The following ZMAT4 variants were observed in gnomAD, a reference collection of about 807,000 sequenced individuals.
ZMAT4 encodes zinc finger matrin-type protein 4.
A neutral mutation model predicts 28.7 loss-of-function variants in ZMAT4; 17 were observed. That is an observed-to-expected ratio of 0.59 (90% CI 0.41 to 0.89). The LOEUF (loss-of-function observed/expected upper bound fraction) is 0.89, where lower values mean the gene tolerates loss of function less well. ZMAT4 is among the 40% of genes least tolerant of loss of function. The pLI is 0.00. For missense variants in ZMAT4, 240 were observed against 283.8 expected, an observed-to-expected ratio of 0.85 and a Z score of 1.11; for synonymous variants, 117 against 109.2, an observed-to-expected ratio of 1.07 and a Z score of -0.44.
chr8:40,709,004 G>T (rs1458828536), intron 3 of ZMAT4, among the ~76,000 whole-genome samples: 3 of 152,056 alleles, frequency 2.0e-5, no homozygotes, highest in Non-Finnish European at 4.4e-5. Context: ...ATTAAAGGAA[G>T]TATAAGCAGT....
At chr8:40,808,068 TATC>T (rs1480594213) in intron 2 of ZMAT4, among the ~76,000 whole-genome samples, 1 of 152,204 alleles carries the variant, frequency 6.6e-6, no homozygotes, top group African/African-American at 2.4e-5. Flanking sequence ...AAAAATGCAT[TATC>T]ATATAGCTTA....
chr8:40,779,120 A>C (rs1463391737), intron 2 of ZMAT4, among the ~76,000 whole-genome samples: 3 of 152,080 alleles, frequency 2.0e-5, no homozygotes, highest in Non-Finnish European at 4.4e-5. Context: ...TCATGGGTGC[A>C]GTTTCCCCAA....
At chr8:40,829,288 C>T (rs982420560) in intron 1 of ZMAT4, among the ~76,000 whole-genome samples, 1 of 152,226 alleles carries the variant, frequency 6.6e-6, no homozygotes, top group South Asian at 2.1e-4. Context: ...AGGCACATTG[C>T]CAAGCAACCA....
intron 5 of ZMAT4, among the ~76,000 whole-genome samples, chr8:40,642,359 G>C (rs1054410304): frequency 2.6e-5 from 4 of 152,162 alleles, no homozygotes; most frequent in African/African-American, 9.6e-5. Context: ...CAAGGGCAAA[G>C]AGTAGGAAAA....
intron 4 of ZMAT4, among the ~76,000 whole-genome samples, chr8:40,684,596 G>T (rs1331447283): frequency 6.6e-6 from 1 of 152,186 alleles, no homozygotes; most frequent in Non-Finnish European, 1.5e-5. Flanking sequence ...CTCAGGGTTG[G>T]GGAATGATTT....
At chr8:40,873,708 C>A (rs570769430) in intron 1 of ZMAT4, among the ~76,000 whole-genome samples, 1 of 152,184 alleles carries the variant, frequency 6.6e-6, no homozygotes, top group Non-Finnish European at 1.5e-5. Context: ...TCTGGTCAAA[C>A]AAGGTCACCC....
At chr8:40,698,233 T>A (rs1303568628) in intron 3 of ZMAT4, among the ~76,000 whole-genome samples, 1 of 152,200 alleles carries the variant, frequency 6.6e-6, no homozygotes, top group Non-Finnish European at 1.5e-5. Flanking sequence ...CTGCACAAAA[T>A]GCTTAAATCC....
At chr8:40,692,483 G>A (rs578107769) in intron 4 of ZMAT4, among the ~76,000 whole-genome samples, 86 of 152,236 alleles carry the variant, frequency 5.6e-4, no homozygotes, top group South Asian at 1.0e-3. Context: ...CCATACAACC[G>A]CAAAGTATCA....
intron 1 of ZMAT4, among the ~76,000 whole-genome samples, chr8:40,862,739 C>T (rs1817547640): frequency 6.6e-6 from 1 of 151,526 alleles, no homozygotes; most frequent in Admixed American, 6.6e-5. Flanking sequence ...CCAAACACCG[C>T]ATGTTCTCAC....
intron 5 of ZMAT4, among the ~76,000 whole-genome samples, chr8:40,639,865 G>A (rs55868263): frequency 0.24 from 36,602 of 151,992 alleles, 4,900 homozygotes; most frequent in Middle Eastern, 0.34. Context: ...AGAACACAAA[G>A]TGTGGAGATA....
intron 2 of ZMAT4, among the ~76,000 whole-genome samples, chr8:40,814,011 G>C (rs1423491328): frequency 6.6e-6 from 1 of 152,230 alleles, no homozygotes; most frequent in Non-Finnish European, 1.5e-5. Flanking sequence ...CAGGGGGCTG[G>C]GGACGGGGTG....
chr8:40,605,370 T>C lies in ZMAT4; in HGVS notation c.578-24109A>G, dbSNP rs190915432. On this transcript the variant is annotated intron_variant, in intron 5 of 6. Coordinates refer to ENST00000297737, the MANE Select transcript of ZMAT4 (RefSeq NM_024645.3). ...TTTTGCTGTATCCCAGAGGTTTTGA[T>C]ATGTTGTGTCACTATTATCACTCAG... 4.7e-3 allele frequency among the ~76,000 whole-genome samples: 714 copies of C among 152,346 alleles called. 2 individuals carry two copies. Among genetic ancestry groups the C allele is most frequent in the Non-Finnish European group, 7.8e-3 (528 of 68,032 alleles).
chr8:40,821,328 C>A (rs1815821387), intron 2 of ZMAT4, among the ~76,000 whole-genome samples: 1 of 152,156 alleles, frequency 6.6e-6, no homozygotes, highest in African/African-American at 2.4e-5. Flanking sequence ...GCTTTCTCTT[C>A]CTTCTGTGTC....
chr8:40,832,160 C>T (rs925277213), intron 1 of ZMAT4, among the ~76,000 whole-genome samples: 7 of 152,214 alleles, frequency 4.6e-5, no homozygotes, highest in Admixed American at 2.0e-4. Flanking sequence ...CTCCAGCTCG[C>T]GACCACCATA....
chr8:40,805,447 C>A (rs1443053534), intron 2 of ZMAT4, among the ~76,000 whole-genome samples: 2 of 149,192 alleles, frequency 1.3e-5, no homozygotes, highest in Non-Finnish European at 3.0e-5. Context: ...GGGTATATAC[C>A]CAAAGGACTG....
At chr8:40,643,409 T>A (rs1807143537) in intron 5 of ZMAT4, among the ~76,000 whole-genome samples, 1 of 152,230 alleles carries the variant, frequency 6.6e-6, no homozygotes, top group South Asian at 2.1e-4. Context: ...TTTAGAAATA[T>A]GTCAGTGACC....
chr8:40,530,606 GT>G lies in ZMAT4; in HGVS notation c.*1616del, dbSNP rs575059653. The G allele has an allele frequency of 2.6e-5, 4 of 152,416 alleles. No individual in the cohort carries two copies. Among genetic ancestry groups the G allele is most frequent in the African/African-American group, 7.2e-5 (3 of 41,382 alleles). 9.4% of individuals were successfully genotyped at this position (152,416 alleles called of 1,614,324 possible). A position where few individuals can be genotyped will look rare whatever the true frequency, so the allele number is the denominator to read the frequency against. On this transcript the variant is annotated 3_prime_UTR_variant, in exon 7 of 7. Transcript: ENST00000297737. ...GAAACAGTGTTTTGTTGTTGCTGCT[GT>G]TTTTACTCGGACAATGCTTATTTTA...
At chr8:40,547,532 C>T (rs1351773397) in intron 6 of ZMAT4, among the ~76,000 whole-genome samples, 3 of 151,748 alleles carry the variant, frequency 2.0e-5, no homozygotes, top group African/African-American at 7.3e-5. Flanking sequence ...GGGCAAATTA[C>T]TTAAGCTTTC....
At chr8:40,575,581 G>A (rs1804237654) in intron 6 of ZMAT4, among the ~76,000 whole-genome samples, 1 of 151,688 alleles carries the variant, frequency 6.6e-6, no homozygotes. Flanking sequence ...AAACTATACA[G>A]AGACCATACT....
Sources: gnomAD v4.1 joint callset for allele counts (sites outside exome capture counted in the v4.1 genomes callset) on GRCh38, gnomAD v4.1.1 for gene constraint, MANE v1.5 for transcripts, NCBI Gene and HGNC (gene_info 2026-07-23, HGNC 2026-07-21) for gene names.